The following TMEM216 variants were observed in gnomAD, a reference collection of about 807,000 sequenced individuals.
TMEM216 encodes cerebello-oculo-renal syndrome 2.
In TMEM216, 15 loss-of-function variants were observed where a neutral mutation model predicts 17.8. That is an observed-to-expected ratio of 0.84 (90% CI 0.56 to 1.30). The LOEUF is 1.30. Ranked by LOEUF, TMEM216 falls within the 50% of genes most tolerant of loss-of-function variation. The pLI is 0.00. For missense variants in TMEM216, 160 were observed against 175.7 expected (o/e 0.91, Z 0.51); for synonymous variants, 58 against 73.5 (o/e 0.79, Z 1.08).
intron 3 of TMEM216, among the ~76,000 whole-genome samples, chr11:61,395,465 C>T (rs1164787179): frequency 4.6e-5 from 7 of 151,846 alleles, no homozygotes; most frequent in South Asian, 2.1e-4. Flanking sequence ...ATTGGCTGGG[C>T]GCAGTGGCTC....
Position 61,393,912 on chromosome 11 carries a change from C to A in TMEM216, c.165C>A (p.Asn55Lys). The A allele has an allele frequency of 6.2e-7, 1 of 1,613,934 alleles. No individual in the cohort carries two copies. Among genetic ancestry groups the A allele is most frequent in the South Asian group, 1.1e-5 (1 of 91,080 alleles). Residue 55 changes from asparagine to lysine, a missense_variant, in exon 3 of 5, where the codon AAC (asparagine) becomes AAA (lysine). Transcript: ENST00000515837. Reference sequence around the variant, plus strand: ...TCCTGCTACCATATCCAACAGCTAACCTAGTACTGGATGTGGTGATGCTCC... The same window carrying A: ...TCCTGCTACCATATCCAACAGCTAAACTAGTACTGGATGTGGTGATGCTCC... The part of the protein sequence containing the change: ...KGVLLPYPTA[N>K]LVLDVVMLLL...
At position 61,393,233 on chromosome 11, in the gene TMEM216, A is replaced by T; in HGVS notation, c.37A>T (p.Lys13Ter). The change falls in exon 2 of 5, where the codon AAA becomes TAA. Residue 13 changes from lysine to a stop codon, truncating the protein, a stop_gained and splice_region_variant. Coordinates refer to ENST00000515837, the MANE Select transcript of TMEM216 (RefSeq NM_001173990.3). LOFTEE classifies it high-confidence loss of function. ...ACTTCTCTGTGCTCCTTTTTCAGGT[A>T]AACGGTTGTCCTCCACCCCGCTGGA... ...PRGLKMAPRG[K>*]RLSSTPLEIL... The T allele has an allele frequency of 6.5e-7, 1 of 1,535,232 alleles. No individual in the cohort carries two copies. Among genetic ancestry groups the T allele is most frequent in the Non-Finnish European group, 8.7e-7 (1 of 1,146,308 alleles).
intron 1 of TMEM216, 134 bp from the exon 2 acceptor site, chr11:61,393,097 C>A: frequency 1.3e-6 from 1 of 743,618 alleles, no homozygotes; most frequent in Non-Finnish European, 2.1e-6. Context: ...TCATTATCAG[C>A]AACCAGAAGT....
Position 61,392,612 on chromosome 11 carries a change from G to C in TMEM216, c.-20G>C, listed in dbSNP as rs1858697052. The C allele has an allele frequency of 1.3e-6, 2 of 1,535,472 alleles. No homozygotes were observed. Among genetic ancestry groups the C allele is most frequent in the South Asian group, 1.2e-5 (1 of 84,046 alleles). On this transcript the variant is annotated 5_prime_UTR_variant, in exon 1 of 5. Coordinates refer to ENST00000515837, the MANE Select transcript of TMEM216 (RefSeq NM_001173990.3). ...GTTTCCGGCAGCGCCGCGCTGCTCC[G>C]GGAGCCGCTGTGGCAGCGTATGCTG...
At chr11:61,394,972 G>A (rs1335810692) in intron 3 of TMEM216, among the ~76,000 whole-genome samples, 1 of 151,792 alleles carries the variant, frequency 6.6e-6, no homozygotes, top group African/African-American at 2.4e-5. Flanking sequence ...GCCAGATTTT[G>A]TTTTTTAAAC....
chr11:61,398,297 A>G lies in TMEM216; in HGVS notation c.*21A>G, dbSNP rs111371929. 12,124 of 1,610,568 alleles carry G rather than the reference A, an allele frequency of 7.5e-3. 62 individuals are homozygous for G. Among genetic ancestry groups the G allele is most frequent in the Non-Finnish European group, 9.5e-3 (11,130 of 1,177,642 alleles). ...TTTGAAGTACAGAATTTCAGCCAGC[A>G]GCCCATCAGGCTGACACCACACATA... On this transcript the variant is annotated 3_prime_UTR_variant, in exon 5 of 5. Transcript: ENST00000515837.
At chr11:61,397,040 T>C (rs1312183420) in intron 3 of TMEM216, among the ~76,000 whole-genome samples, 2 of 151,996 alleles carry the variant, frequency 1.3e-5, no homozygotes, top group African/African-American at 4.8e-5. Context: ...TAATAATAAA[T>C]AGTAATATGT....
At chr11:61,398,018 G>C in intron 4 of TMEM216, 43 bp downstream of exon 4, 1 of 1,606,580 alleles carries the variant, frequency 6.2e-7, no homozygotes, top group Non-Finnish European at 8.5e-7. Flanking sequence ...AGAGGGTTGG[G>C]TTCCCATCCC....
chr11:61,393,405 CT>C, intron 2 of TMEM216, 73 bp downstream of exon 2: 1 of 1,109,870 alleles, frequency 9.0e-7, no homozygotes, highest in Admixed American at 2.0e-5. Flanking sequence ...TACCAAGAAC[CT>C]TCTTATTTTC....
At chr11:61,396,820 T>C (rs1292409431) in intron 3 of TMEM216, among the ~76,000 whole-genome samples, 2 of 149,364 alleles carry the variant, frequency 1.3e-5, no homozygotes, top group East Asian at 2.0e-4. Context: ...TAGCTGGGCA[T>C]AGTGACGTGT....
chr11:61,395,919 T>A (rs563101707), intron 3 of TMEM216, among the ~76,000 whole-genome samples: 11 of 152,298 alleles, frequency 7.2e-5, no homozygotes, highest in African/African-American at 2.6e-4. Context: ...GGGGAACAGG[T>A]TGTTATACAC....
At chr11:61,392,812 C>T (rs1014142302) in intron 1 of TMEM216, 147 bp downstream of exon 1, 7 of 1,511,626 alleles carry the variant, frequency 4.6e-6, no homozygotes, top group African/African-American at 4.1e-5. Flanking sequence ...TCCGCGGTCC[C>T]GCCCACCCTG....
intron 3 of TMEM216, 91 bp from the exon 4 acceptor site, chr11:61,397,683 G>T: frequency 1.7e-6 from 2 of 1,173,576 alleles, no homozygotes; most frequent in Admixed American, 1.9e-5. Context: ...TATTTTTTGT[G>T]CCTTGCCATT....
At position 61,393,460 on chromosome 11, in the gene TMEM216, G is replaced by T. The variant is rs181770685; in HGVS notation, c.136+128G>T. ...GCAGTTCTTTGTCGCTGCAAGGCAG[G>T]CCTCCTCATCAGATGGCTTCTTTGA... On this transcript the variant is annotated intron_variant, in intron 2 of 4. Transcript: ENST00000515837. 1.9e-3 allele frequency: 1,279 copies of T among 667,340 alleles called. 12 individuals carry two copies. The highest frequency in any genetic ancestry group is 5.5e-3 in the South Asian group (291 of 52,480). The allele number at this position is 667,340 out of a possible 1,614,324, so 41.3% of individuals were successfully genotyped here.
At chr11:61,397,350 G>A (rs1033700157) in intron 3 of TMEM216, among the ~76,000 whole-genome samples, 3 of 151,882 alleles carry the variant, frequency 2.0e-5, no homozygotes, top group Non-Finnish European at 2.9e-5. Context: ...TGTATTTTTA[G>A]TAGAGATGGG....
chr11:61,395,242 G>A (rs1485797968), intron 3 of TMEM216, among the ~76,000 whole-genome samples: 1 of 152,128 alleles, frequency 6.6e-6, no homozygotes, highest in Non-Finnish European at 1.5e-5. Context: ...TCCCCAAGGT[G>A]CTGGGATTAC....
chr11:61,393,976 G>C lies in TMEM216; in HGVS notation c.229G>C (p.Gly77Arg). The change falls in exon 3 of 5, where the codon GGT becomes CGT. Residue 77 changes from glycine (G) to arginine (R), a missense_variant and splice_region_variant. Transcript: ENST00000515837. ...LGIEVIRLFF[G>R]TKGNLCQRKM... ...AATTGAAGTAATTCGCCTGTTTTTT[G>C]GTAAGTGTTGTCCAGAGAATATTTC... The C allele has an allele frequency of 1.2e-6, 2 of 1,613,692 alleles. No homozygotes were observed. The highest frequency in any genetic ancestry group is 1.3e-5 in the African/African-American group (1 of 75,010).
chr11:61,396,021 C>G (rs1023605538), intron 3 of TMEM216, among the ~76,000 whole-genome samples: 2 of 151,846 alleles, frequency 1.3e-5, no homozygotes, highest in African/African-American at 2.4e-5. Context: ...ACTTCTAAAA[C>G]TAGATTAAAA....
chr11:61,393,172 T>C (rs563417135), intron 1 of TMEM216, 59 bp from the exon 2 acceptor site: 1 of 1,264,340 alleles, frequency 7.9e-7, no homozygotes, highest in South Asian at 1.3e-5. Context: ...CACCAACCCA[T>C]ACGAGCAGAG....
Sources: allele counts gnomAD v4.1 joint callset (sites outside exome capture counted in the v4.1 genomes callset), GRCh38; gene constraint gnomAD v4.1.1; transcripts MANE v1.5; gene names NCBI Gene and HGNC (gene_info 2026-07-23, HGNC 2026-07-21).